NEMP2: variants seen among roughly 807,000 people sequenced by gnomAD.
NEMP2 encodes the protein nuclear envelope integral membrane protein 2, also known as UPF0571 transmembrane protein.
Under a neutral mutation model 54.2 loss-of-function variants are expected in NEMP2, and 53 were observed. The observed-to-expected ratio is 0.98, with a 90% confidence interval of 0.78 to 1.23. NEMP2 has a LOEUF of 1.23. Among genes scored for constraint, NEMP2 ranks in the 50% most tolerant of loss-of-function variants. The pLI is 0.00. For missense variants in NEMP2, 455 were observed against 511.3 expected (o/e 0.89, Z 1.06); for synonymous variants, 197 against 190.3 (o/e 1.04, Z -0.29).
the NEMP2 span, among the ~76,000 whole-genome samples, chr2:190,593,467 A>C: frequency 6.6e-6 from 1 of 152,166 alleles, no homozygotes; most frequent in Non-Finnish European, 1.5e-5. This position sits in a 1 kb window ranked among gnomAD's most constrained non-coding sequence, Gnocchi z 4.5. Context: ...GCCATGTCTG[A>C]GTTCCAGCCT....
At chr2:190,638,558 T>C in the NEMP2 span, among the ~76,000 whole-genome samples, 1 of 152,054 alleles carries the variant, frequency 6.6e-6, no homozygotes, top group East Asian at 1.9e-4. The surrounding 1 kb of genome is among the most constrained non-coding windows in gnomAD (Gnocchi z 5.7). Flanking sequence ...AGGACAGAAA[T>C]GAGCATCACT....
rs1389917173 is a variant in NEMP2 at position 190,507,124 on chromosome 2, A to G, written c.*2065T>C. 2.0e-5 allele frequency: 3 copies of G among 152,270 alleles called. No homozygotes were observed. The highest frequency in any genetic ancestry group is 3.8e-4 in the East Asian group (2 of 5,204). 9.4% of individuals were successfully genotyped at this position (152,270 alleles called of 1,614,324 possible). A position where few individuals can be genotyped will look rare whatever the true frequency, so the allele number is the denominator to read the frequency against. ...TGAAAACAACATAAATACACTAAAA[A>G]TATCACAAGTAATGCTTCTAATTGT... On this transcript the variant is annotated 3_prime_UTR_variant, in exon 9 of 9. Coordinates refer to ENST00000409150, the MANE Select transcript of NEMP2 (RefSeq NM_001142645.2). The surrounding 1 kb of genome is among the most constrained non-coding windows in gnomAD (Gnocchi z 4.4).
chr2:190,431,575 C>T, the NEMP2 span, among the ~76,000 whole-genome samples: 1 of 152,220 alleles, frequency 6.6e-6, no homozygotes, highest in South Asian at 2.1e-4. The surrounding 1 kb of genome is among the most constrained non-coding windows in gnomAD (Gnocchi z 4.4). Context: ...TGTGGCGGCG[C>T]GCGCCTGCAA....
chr2:190,574,986 C>G, the NEMP2 span, among the ~76,000 whole-genome samples: 2 of 152,064 alleles, frequency 1.3e-5, no homozygotes, highest in East Asian at 1.9e-4. Context: ...TCCCAAGTAG[C>G]TGGGATTACA....
rs920322153 is a variant in NEMP2 at position 190,523,655 on chromosome 2, G to A, written c.213+1608C>T. ...GAGCTAAGTCTATGAAATTACACACGCCTAGAACATCTTGTTTGTTAGAAA... is the reference window on the plus strand; with the variant it reads ...GAGCTAAGTCTATGAAATTACACACACCTAGAACATCTTGTTTGTTAGAAA... On this transcript the variant is annotated intron_variant, in intron 2 of 8. Transcript: ENST00000409150. This position sits in a 1 kb window ranked among gnomAD's most constrained non-coding sequence, Gnocchi z 5.3. 6.6e-5 allele frequency among the ~76,000 whole-genome samples: 10 copies of A among 152,108 alleles called. No individual in the cohort carries two copies. In the East Asian group the frequency reaches 1.3e-3, roughly 20 times the overall value.
chr2:190,622,493 T>C, the NEMP2 span, among the ~76,000 whole-genome samples: 1 of 152,072 alleles, frequency 6.6e-6, no homozygotes, highest in African/African-American at 2.4e-5. Flanking sequence ...GATTCTGACC[T>C]TTCATCTTAT....
chr2:190,436,433 TC>T, the NEMP2 span: 2 of 1,614,096 alleles, frequency 1.2e-6, no homozygotes, highest in African/African-American at 2.7e-5. This position sits in a 1 kb window ranked among gnomAD's most constrained non-coding sequence, Gnocchi z 5.3. Context: ...AAAATTGTCC[TC>T]CTCTTTTCTC....
the NEMP2 span, among the ~76,000 whole-genome samples, chr2:190,591,195 T>C: frequency 6.6e-6 from 1 of 152,046 alleles, no homozygotes; most frequent in Non-Finnish European, 1.5e-5. This position sits in a 1 kb window ranked among gnomAD's most constrained non-coding sequence, Gnocchi z 5.4. Context: ...ACTTAGAGGG[T>C]CCAGGGTGTG....
chr2:190,623,612 G>T, the NEMP2 span, among the ~76,000 whole-genome samples: 1 of 152,148 alleles, frequency 6.6e-6, no homozygotes, highest in African/African-American at 2.4e-5. Flanking sequence ...TGAATAACCA[G>T]ATGCAGAAGA....
chr2:190,434,535 G>C, the NEMP2 span, among the ~76,000 whole-genome samples: 1 of 151,980 alleles, frequency 6.6e-6, no homozygotes, highest in South Asian at 2.1e-4. This position sits in a 1 kb window ranked among gnomAD's most constrained non-coding sequence, Gnocchi z 4.3. Flanking sequence ...TCCTGGGTTC[G>C]AGCAATTTGC....
the NEMP2 span, among the ~76,000 whole-genome samples, chr2:190,466,689 A>G: frequency 6.6e-6 from 1 of 152,194 alleles, no homozygotes; most frequent in Non-Finnish European, 1.5e-5. Context: ...ATATGAGGAA[A>G]CTGAGGCTCA....
At chr2:190,598,712 T>C in the NEMP2 span, among the ~76,000 whole-genome samples, 1 of 152,252 alleles carries the variant, frequency 6.6e-6, no homozygotes, top group African/African-American at 2.4e-5. Context: ...TAAATTGGAA[T>C]GTAATAGTTA....
At chr2:190,534,820 T>A (rs1478070296), upstream of NEMP2, 1 of 476,894 alleles carries the variant, frequency 2.1e-6, no homozygotes, top group Non-Finnish European at 3.3e-6. Context: ...GTTGGGCTCG[T>A]TGCTCCAGCC....
the NEMP2 span, chr2:190,497,361 T>C: frequency 6.7e-7 from 1 of 1,500,812 alleles, no homozygotes; most frequent in Non-Finnish European, 9.0e-7. The surrounding 1 kb of genome is among the most constrained non-coding windows in gnomAD (Gnocchi z 5.2). Context: ...GGATTCTTGG[T>C]TTATTTATTT....
the NEMP2 span, among the ~76,000 whole-genome samples, chr2:190,564,654 A>G: frequency 0.28 from 42,530 of 152,100 alleles, 6,724 homozygotes; most frequent in East Asian, 0.46. This position sits in a 1 kb window ranked among gnomAD's most constrained non-coding sequence, Gnocchi z 4.2. Context: ...AAATCTCCAC[A>G]TATAAAAAGG....
At chr2:190,475,074 A>G in the NEMP2 span, among the ~76,000 whole-genome samples, 1 of 152,210 alleles carries the variant, frequency 6.6e-6, no homozygotes, top group Non-Finnish European at 1.5e-5. Context: ...TCAAAATAAT[A>G]AGAGCTATCT....
the NEMP2 span, chr2:190,489,852 C>T: frequency 6.2e-7 from 1 of 1,613,738 alleles, no homozygotes; most frequent in Non-Finnish European, 8.5e-7. The surrounding 1 kb of genome is among the most constrained non-coding windows in gnomAD (Gnocchi z 6.6). Flanking sequence ...CTGGCAGTGC[C>T]AGATGAGGAA....
At chr2:190,489,565 C>A in the NEMP2 span, among the ~76,000 whole-genome samples, 4 of 152,194 alleles carry the variant, frequency 2.6e-5, no homozygotes, top group Non-Finnish European at 4.4e-5. The surrounding 1 kb of genome is among the most constrained non-coding windows in gnomAD (Gnocchi z 6.6). Context: ...CGATCAATGA[C>A]AGATCCAATA....
At chr2:190,443,910 G>A in the NEMP2 span, among the ~76,000 whole-genome samples, 1 of 152,058 alleles carries the variant, frequency 6.6e-6, no homozygotes, top group Non-Finnish European at 1.5e-5. The surrounding 1 kb of genome is among the most constrained non-coding windows in gnomAD (Gnocchi z 4.2). Context: ...ACATTAGCTG[G>A]GCATGGTGTC....
Sources: gnomAD v4.1 joint callset for allele counts (sites outside exome capture counted in the v4.1 genomes callset) on GRCh38, gnomAD v4.1.1 for gene constraint, Gnocchi (gnomAD v3.1) non-coding constraint, MANE v1.5 for transcripts, NCBI Gene and HGNC (gene_info 2026-07-23, HGNC 2026-07-21) for gene names.